The following ZNF490 variants were observed in gnomAD, a reference collection of about 807,000 sequenced individuals.
ZNF490 encodes the protein zinc finger protein 490.
ZNF490 carries 11 observed loss-of-function variants against 17.7 expected under a neutral mutation model. The ratio of observed to expected loss-of-function variants is 0.62; its 90% CI spans 0.39 to 1.03. The LOEUF is 1.03. Among genes scored for constraint, ZNF490 ranks in the 50% least tolerant of loss-of-function variants. The pLI, the probability that ZNF490 is intolerant of heterozygous loss-of-function variation, is 0.00. For synonymous variants in ZNF490, 222 were observed against 216.1 expected (o/e 1.03, Z -0.24); for missense variants, 542 against 643.4 (o/e 0.84, Z 1.71).
At chr19:12,600,408 G>C (rs1191967391) in intron 2 of ZNF490, among the ~76,000 whole-genome samples, 1 of 151,790 alleles carries the variant, frequency 6.6e-6, no homozygotes, top group Non-Finnish European at 1.5e-5. Context: ...AACAGTAATA[G>C]TATACTAATG....
Position 12,583,573 on chromosome 19 carries a change from G to T in ZNF490, c.163-17C>A. 1 of 1,568,800 alleles carries T rather than the reference G, an allele frequency of 6.4e-7. No homozygotes were observed. Among genetic ancestry groups the T allele is most frequent in the Non-Finnish European group, 8.7e-7 (1 of 1,153,442 alleles). On this transcript the variant is annotated splice_polypyrimidine_tract_variant and intron_variant, in intron 2 of 4. Coordinates refer to ENST00000311437, the MANE Select transcript of ZNF490 (RefSeq NM_020714.3). ...GATGGAGTCCTAAAACATCCCCCAT[G>T]TGTGTTTAGGAGGAGGAGAGAGATT... is the stretch of plus-strand genomic sequence containing the variant.
intron 2 of ZNF490, among the ~76,000 whole-genome samples, chr19:12,603,736 A>G (rs1483448959): frequency 1.3e-5 from 2 of 151,108 alleles, no homozygotes; most frequent in South Asian, 2.1e-4. Flanking sequence ...GGCTGCATTG[A>G]GCCAAGATTG....
At chr19:12,584,110 ATT>A (rs376891001) in intron 2 of ZNF490, among the ~76,000 whole-genome samples, 2,041 of 80,716 alleles carry the variant, frequency 0.025, 33 homozygotes, top group Middle Eastern at 0.035. Context: ...GCACCCTGCC[ATT>A]ATTTCTATAT....
chr19:12,597,074 G>A (rs549296562), intron 2 of ZNF490: 5 of 457,204 alleles, frequency 1.1e-5, no homozygotes, highest in South Asian at 6.1e-5. Flanking sequence ...GCGCCAGGGG[G>A]ACTCGGGTCT....
intron 2 of ZNF490, among the ~76,000 whole-genome samples, chr19:12,583,789 C>CTATATATATATATA (rs1568278605): frequency 1.1e-5 from 1 of 87,892 alleles, no homozygotes; most frequent in Non-Finnish European, 2.0e-5. Flanking sequence ...CTCTCTCTCT[C>CTATATATATATATA]TCTATATATA....
At position 12,580,374 on chromosome 19, in the gene ZNF490, C is replaced by A. The variant is rs1599304025; in HGVS notation, c.*111G>T. On this transcript the variant is annotated 3_prime_UTR_variant, in exon 5 of 5. Coordinates refer to ENST00000311437, the MANE Select transcript of ZNF490 (RefSeq NM_020714.3). ...ACGTCTTCAAAGGGAATTAGGACAA[C>A]TGAAGGCTTAATCACACCGTTTACA... 17 of 1,486,038 alleles carry A rather than the reference C, an allele frequency of 1.1e-5. No homozygotes were observed. In the East Asian group the frequency reaches 3.2e-4, roughly 28 times the overall value. The allele number at this position is 1,486,038 out of a possible 1,614,324, so 92.1% of individuals were successfully genotyped here. A position where few individuals can be genotyped will look rare whatever the true frequency, so the allele number is the denominator to read the frequency against.
chr19:12,593,317 G>A (rs1043681410), intron 2 of ZNF490, among the ~76,000 whole-genome samples: 171 of 151,548 alleles, frequency 1.1e-3, no homozygotes, highest in African/African-American at 4.0e-3. Flanking sequence ...GCGCAATCTC[G>A]GCTCACTGCA....
chr19:12,579,586 G>A lies in ZNF490; in HGVS notation c.*899C>T, dbSNP rs1048082570. The A allele has an allele frequency of 1.3e-4, 20 of 151,658 alleles. No individual in the cohort carries two copies. Among genetic ancestry groups the A allele is most frequent in the African/African-American group, 4.8e-4 (20 of 41,366 alleles). 9.4% of individuals were successfully genotyped at this position (151,658 alleles called of 1,614,324 possible). On this transcript the variant is annotated 3_prime_UTR_variant, in exon 5 of 5. Coordinates refer to ENST00000311437, the MANE Select transcript of ZNF490 (RefSeq NM_020714.3). ...AACAATTTGGGAGGCCAAGGTGGGT[G>A]GATCATTTGAGGTCAAGAGTTTAAG...
chr19:12,587,867 TTTTG>T lies in ZNF490; in HGVS notation c.163-4315_163-4312del, dbSNP rs1390220474. ...CACACTACCACACCCAGCTAATATTTTTTGTTTGTTTGTTTGTTTGAGTCGAAGT... is the reference window on the plus strand; with the variant it reads ...CACACTACCACACCCAGCTAATATTTTTTGTTTGTTTGTTTGAGTCGAAGT... On this transcript the variant is annotated intron_variant, in intron 2 of 4. Coordinates refer to ENST00000311437, the MANE Select transcript of ZNF490 (RefSeq NM_020714.3). Among the ~76,000 whole-genome samples the T allele has an allele frequency of 5.6e-5, 5 of 88,834 alleles. 1 individual carries two copies. Among genetic ancestry groups the T allele is most frequent in the East Asian group, 4.2e-4 (2 of 4,724 alleles). The allele number at this position is 88,834 out of a possible 152,430, so 58.3% of individuals were successfully genotyped here. A position where few individuals can be genotyped will look rare whatever the true frequency, so the allele number is the denominator to read the frequency against.
chr19:12,580,673 G>A lies in ZNF490; in HGVS notation c.1402C>T (p.His468Tyr). ...CACTCACATGGTTTCACTCCAGTGT[G>A]ACTTCTTTCGTGCCTTCGAAGGTGA... The part of the protein sequence containing the change: ...FSHLRRHERS[H>Y]TGVKPCECKQ... The change falls in exon 5 of 5, where the codon CAC becomes TAC. Residue 468 changes from histidine to tyrosine, a missense_variant. By Grantham distance (83) the His-to-Tyr change is moderately conservative. Coordinates refer to ENST00000311437, the MANE Select transcript of ZNF490 (RefSeq NM_020714.3). 1 of 1,614,176 alleles carries A rather than the reference G, an allele frequency of 6.2e-7. No homozygotes were observed. The highest frequency in any genetic ancestry group is 8.5e-7 in the Non-Finnish European group (1 of 1,180,026).
At chr19:12,592,075 C>A (rs568382112) in intron 2 of ZNF490, among the ~76,000 whole-genome samples, 1 of 152,166 alleles carries the variant, frequency 6.6e-6, no homozygotes, top group African/African-American at 2.4e-5. Context: ...CGGTGGCTCA[C>A]GCCTGTAATC....
intron 2 of ZNF490, among the ~76,000 whole-genome samples, chr19:12,603,192 A>C (rs1366967153): frequency 6.6e-6 from 1 of 152,134 alleles, no homozygotes; most frequent in Non-Finnish European, 1.5e-5. Flanking sequence ...CGACTAGAGC[A>C]ATTGGAGTAT....
At position 12,578,385 on chromosome 19, in the gene ZNF490, G is replaced by A. The variant is rs2022673934; in HGVS notation, c.*2100C>T. On this transcript the variant is annotated 3_prime_UTR_variant, in exon 5 of 5. Coordinates refer to ENST00000311437, the MANE Select transcript of ZNF490 (RefSeq NM_020714.3). ...CAGGGCTGGTAACCGCAGGAGAGTG[G>A]ATGCTGTGTGGTCAAGGGGTGTGTG... 2.0e-6 allele frequency: 2 copies of A among 985,498 alleles called. No individual in the cohort carries two copies. Among genetic ancestry groups the A allele is most frequent in the Non-Finnish European group, 2.4e-6 (2 of 830,072 alleles). The allele number at this position is 985,498 out of a possible 1,614,324, so 61.0% of individuals were successfully genotyped here.
At chr19:12,609,261 C>T (rs2023113287) in intron 1 of ZNF490, 59 bp from the exon 2 acceptor site, 3 of 1,448,778 alleles carry the variant, frequency 2.1e-6, no homozygotes, top group Middle Eastern at 2.1e-4. Context: ...CTAAACATGA[C>T]CTTTGACAGC....
At chr19:12,582,374 C>A (rs1293020797) in intron 4 of ZNF490, among the ~76,000 whole-genome samples, 1 of 151,820 alleles carries the variant, frequency 6.6e-6, no homozygotes, top group African/African-American at 2.4e-5. Flanking sequence ...TAGAGGTATT[C>A]GCTACCTTAC....
At chr19:12,601,931 T>C (rs1260226266) in intron 2 of ZNF490, among the ~76,000 whole-genome samples, 1 of 151,182 alleles carries the variant, frequency 6.6e-6, no homozygotes, top group East Asian at 2.0e-4. Context: ...GAGGCGGAGC[T>C]TGCAGTGAGC....
chr19:12,582,392 A>G (rs954569828), intron 4 of ZNF490, among the ~76,000 whole-genome samples: 4 of 151,876 alleles, frequency 2.6e-5, no homozygotes, highest in Admixed American at 2.0e-4. Context: ...TACCCAGCCA[A>G]TGACAGTTTC....
intron 2 of ZNF490, chr19:12,597,413 G>C (rs1599310720): frequency 7.0e-6 from 2 of 284,368 alleles, no homozygotes; most frequent in Admixed American, 9.0e-5. Flanking sequence ...ACGTGGTTGA[G>C]CCGAGCTAGC....
At chr19:12,588,026 C>A (rs2022821613) in intron 2 of ZNF490, among the ~76,000 whole-genome samples, 1 of 94,536 alleles carries the variant, frequency 1.1e-5, no homozygotes, top group South Asian at 2.8e-4. Context: ...CCTGCCACCA[C>A]GCCTGGCTAA....
Sources: allele counts gnomAD v4.1 joint callset (sites outside exome capture counted in the v4.1 genomes callset), GRCh38; gene constraint gnomAD v4.1.1; transcripts MANE v1.5; gene names NCBI Gene and HGNC (gene_info 2026-07-23, HGNC 2026-07-21).